DHX30: variants seen among roughly 807,000 people sequenced by gnomAD.
The protein encoded by DHX30 is ATP-dependent RNA helicase DHX30.
DHX30 carries 4 observed loss-of-function variants against 116.9 expected under a neutral mutation model. The observed-to-expected ratio is 0.03, with a 90% CI of 0.02 to 0.08. The LOEUF (loss-of-function observed/expected upper bound fraction) is 0.08, where lower values mean the gene tolerates loss of function less well. DHX30 is among the 10% of genes least tolerant of loss of function. The pLI, the probability that DHX30 is intolerant of heterozygous loss-of-function variation, is 1.00. For synonymous variants in DHX30, 697 were observed against 651.7 expected (o/e 1.07, Z -1.06); for missense variants, 871 against 1,595.1 (o/e 0.55, Z 7.73).
chr3:47,835,949 A>G (rs2037095723), intron 6 of DHX30, among the ~76,000 whole-genome samples: 1 of 152,174 alleles, frequency 6.6e-6, no homozygotes, highest in Non-Finnish European at 1.5e-5. Flanking sequence ...GAGGAGTGCT[A>G]CTGGCAGCTG....
chr3:47,825,263 G>A (rs1399640364), intron 4 of DHX30: 4 of 572,006 alleles, frequency 7.0e-6, no homozygotes, highest in Admixed American at 3.4e-5. Flanking sequence ...GGCATCGGCG[G>A]GGGCGGGCGG....
chr3:47,810,975 G>A (rs2035762907), intron 3 of DHX30, among the ~76,000 whole-genome samples: 1 of 151,476 alleles, frequency 6.6e-6, no homozygotes, highest in African/African-American at 2.4e-5. Flanking sequence ...CTGAGATGGA[G>A]CCTCACTTCT....
At position 47,805,525 on chromosome 3, in the gene DHX30, G is replaced by A. The variant is rs557795918; in HGVS notation, c.-28+105G>A. The A allele has an allele frequency of 7.6e-6, 3 of 396,440 alleles. No homozygotes were observed. In the Admixed American group the frequency reaches 1.3e-4, roughly 18 times the overall value. The allele number at this position is 396,440 out of a possible 1,614,324, so 24.6% of individuals were successfully genotyped here. A position where few individuals can be genotyped will look rare whatever the true frequency, so the allele number is the denominator to read the frequency against. ...CCTATTTCTGACCATTTTGGAAGAA[G>A]GATATCATTTATTTTATTTTGTTTT... is the stretch of plus-strand genomic sequence containing the variant. On this transcript the variant is annotated intron_variant, in intron 2 of 21. Coordinates refer to ENST00000445061, the MANE Select transcript of DHX30 (RefSeq NM_138615.3).
rs749934121 is a variant in DHX30 at position 47,847,502 on chromosome 3, G to T, written c.2076G>T (p.Leu692=). ...TGCAGCAGCGCCTCCAGGAGGCCCT[G>T]GGCATGCACGAGAGCAAGTACCTCA... is the stretch of plus-strand genomic sequence containing the variant. ...KGVQQRLQEA[L]GMHESKYLIL... Residue 692 remains leucine, a synonymous_variant, in exon 13 of 22, where the codon CTG becomes CTT. Transcript: ENST00000445061. The surrounding 1 kb of genome is among the most constrained non-coding windows in gnomAD (Gnocchi z 5.5). The T allele has an allele frequency of 6.1e-5, 98 of 1,612,274 alleles. No individual in the cohort carries two copies. In the South Asian group the frequency reaches 9.6e-4, roughly 16 times the overall value.
intron 4 of DHX30, among the ~76,000 whole-genome samples, chr3:47,818,743 G>A (rs933466298): frequency 2.6e-5 from 4 of 152,118 alleles, no homozygotes; most frequent in African/African-American, 7.2e-5. Context: ...GGGAAGCATC[G>A]CTGCACATGA....
chr3:47,830,467 A>T (rs1344854695), intron 6 of DHX30, among the ~76,000 whole-genome samples: 3 of 151,536 alleles, frequency 2.0e-5, no homozygotes, highest in East Asian at 3.9e-4. Context: ...ATAATAATAA[A>T]TTTTTTCATT....
At chr3:47,817,753 G>A (rs1053375029) in intron 3 of DHX30, among the ~76,000 whole-genome samples, 3 of 152,200 alleles carry the variant, frequency 2.0e-5, no homozygotes, top group Non-Finnish European at 4.4e-5. Flanking sequence ...ATATAGGATG[G>A]GTGTTAACCT....
At chr3:47,834,992 CTTTATTTTTTAT>C (rs938011729) in intron 6 of DHX30, among the ~76,000 whole-genome samples, 6 of 151,874 alleles carry the variant, frequency 4.0e-5, no homozygotes, top group African/African-American at 1.2e-4. Flanking sequence ...TGAGGAACTT[CTTTATTTTTTAT>C]TTTATTTTTT....
chr3:47,841,773 G>C (rs371753507), intron 8 of DHX30, 36 bp downstream of exon 8: 3 of 1,613,706 alleles, frequency 1.9e-6, no homozygotes, highest in Non-Finnish European at 8.5e-7. Context: ...TGTGGGGGCC[G>C]TTTACTTGGT....
Position 47,841,665 on chromosome 3 carries a change from G to C in DHX30, c.717G>C (p.Leu239=). The C allele has an allele frequency of 6.2e-7, 1 of 1,614,248 alleles. No individual in the cohort carries two copies. Among genetic ancestry groups the C allele is most frequent in the South Asian group, 1.1e-5 (1 of 91,088 alleles). The change falls in exon 8 of 22, where the codon CTG becomes CTC. Residue 239 remains leucine, a synonymous_variant. Transcript: ENST00000445061. ...MTDDDSAIRA[L]TQFPLPKNLL... ...ATGACGACAGTGCCATTAGGGCTCT[G>C]ACCCAGTTTCCACTTCCCAAGAACC...
intron 7 of DHX30, 89 bp from the exon 8 acceptor site, chr3:47,841,528 C>G: frequency 1.1e-5 from 17 of 1,561,752 alleles, no homozygotes; most frequent in Non-Finnish European, 1.5e-5. Flanking sequence ...CCTGCTGCAG[C>G]GCAGCGTCCT....
At chr3:47,820,744 C>T (rs1048018000) in intron 4 of DHX30, among the ~76,000 whole-genome samples, 2 of 152,088 alleles carry the variant, frequency 1.3e-5, no homozygotes, top group Non-Finnish European at 2.9e-5. Flanking sequence ...ATGTCATCCC[C>T]GATCCAGAAG....
At chr3:47,819,301 A>G in intron 4 of DHX30, 1 of 1,367,320 alleles carries the variant, frequency 7.3e-7, no homozygotes, top group Non-Finnish European at 9.8e-7. Flanking sequence ...TGCTTTGGCT[A>G]AGCTTGAAGA....
intron 9 of DHX30, chr3:47,845,497 T>G (rs1055446199): frequency 1.7e-6 from 1 of 576,522 alleles, no homozygotes; most frequent in Non-Finnish European, 2.7e-6. Flanking sequence ...TGAATTAACT[T>G]TAGTTCATTT....
At position 47,846,188 on chromosome 3, in the gene DHX30, C is replaced by G; in HGVS notation, c.1116C>G (p.Ile372Met). The G allele has an allele frequency of 6.2e-7, 1 of 1,613,464 alleles. No individual in the cohort carries two copies. The highest frequency in any genetic ancestry group is 8.5e-7 in the Non-Finnish European group (1 of 1,179,926). The change falls in exon 11 of 22, where the codon ATC (isoleucine) becomes ATG (methionine). Residue 372 changes from isoleucine to methionine, a missense_variant. Coordinates refer to ENST00000445061, the MANE Select transcript of DHX30 (RefSeq NM_138615.3). ...LNHYPVESSWIAPELRLQSDD... is the reference protein window; with the variant it reads ...LNHYPVESSWMAPELRLQSDD... ...AGTACCCTGTGGAGAGTTCATGGAT[C>G]GCCCCAGAACTCCGGCTGCAGAGTG...
At chr3:47,814,371 G>A (rs1289824390) in intron 3 of DHX30, among the ~76,000 whole-genome samples, 3 of 143,640 alleles carry the variant, frequency 2.1e-5, no homozygotes, top group Admixed American at 7.3e-5. Context: ...GTGGCAGTGA[G>A]CTGAGATCAC....
At position 47,850,024 on chromosome 3, in the gene DHX30, C is replaced by T. The variant is rs563748719; in HGVS notation, c.3489C>T (p.Ser1163=). ...GCGAGCTGGCTGCACTTCCCCCCAG[C>T]GTACAGGAGGAGCACGGGCAGCTGC... The part of the protein sequence containing the change: ...LRSELAALPP[S]VQEEHGQLLA... The change falls in exon 22 of 22, where the codon AGC becomes AGT. Residue 1163 remains serine (S), a synonymous_variant. Transcript: ENST00000445061. 73 of 1,609,732 alleles carry T rather than the reference C, an allele frequency of 4.5e-5. No individual in the cohort carries two copies. In the East Asian group the frequency reaches 1.1e-3, roughly 25 times the overall value.
At chr3:47,815,723 C>CAAAAAAA (rs11349970) in intron 3 of DHX30, among the ~76,000 whole-genome samples, 21 of 20,754 alleles carry the variant, frequency 1.0e-3, no homozygotes, top group Admixed American at 2.3e-3. Context: ...TAAAAAAGAG[C>CAAAAAAA]AAAAAAAAAA....
chr3:47,831,930 C>T (rs57045816), intron 6 of DHX30, among the ~76,000 whole-genome samples: 74,881 of 126,510 alleles, frequency 0.59, 22,818 homozygotes, highest in East Asian at 0.7. Context: ...TTTCCTTTTT[C>T]TTTTTTTTTT....
Sources: allele counts gnomAD v4.1 joint callset (sites outside exome capture counted in the v4.1 genomes callset), GRCh38; gene constraint gnomAD v4.1.1; non-coding constraint Gnocchi (gnomAD v3.1); transcripts MANE v1.5; gene names NCBI Gene and HGNC (gene_info 2026-07-23, HGNC 2026-07-21).